The following CFAP92 variants were observed in gnomAD, a reference collection of about 807,000 sequenced individuals.
CFAP92 encodes the protein cilia and flagella associated protein 92 (putative).
A neutral mutation model predicts 106.3 loss-of-function variants in CFAP92; 86 were observed. The observed-to-expected ratio is 0.81, with a 90% CI of 0.68 to 0.97. CFAP92 has a LOEUF of 0.97. Among genes scored for constraint, CFAP92 ranks in the 50% least tolerant of loss-of-function variants. CFAP92 has a pLI of 0.00. For synonymous variants in CFAP92, 477 were observed against 506.4 expected, an observed-to-expected ratio of 0.94 and a Z score of 0.78; for missense variants, 1,204 against 1,283.8, an observed-to-expected ratio of 0.94 and a Z score of 0.95.
At chr3:129,015,703 G>T in the CFAP92 span, among the ~76,000 whole-genome samples, 1 of 152,170 alleles carries the variant, frequency 6.6e-6, no homozygotes, top group African/African-American at 2.4e-5. Context: ...GACCAGAGAG[G>T]AGTCACAGAG....
intron 15 of CFAP92, among the ~76,000 whole-genome samples, chr3:128,911,154 T>A (rs974579882): frequency 2.0e-5 from 3 of 152,212 alleles, no homozygotes; most frequent in Admixed American, 6.5e-5. Flanking sequence ...CCTCTTGGGT[T>A]CAAGCGATTC....
chr3:128,958,286 T>G (rs574016141), intron 9 of CFAP92, among the ~76,000 whole-genome samples: 1 of 152,194 alleles, frequency 6.6e-6, no homozygotes, highest in Non-Finnish European at 1.5e-5. Flanking sequence ...TTAGGGATGG[T>G]GGGTGTTAGG....
At chr3:129,004,024 G>T (rs964202634), upstream of CFAP92, 47 of 1,509,948 alleles carry the variant, frequency 3.1e-5, no homozygotes, top group African/African-American at 6.3e-4. Flanking sequence ...CGCAACAGGT[G>T]CCCGGCTTGC....
rs1262463007 is a variant in CFAP92, at chr3:128,961,685, T to C, written c.1353+3826A>G. On this transcript the variant is annotated intron_variant, in intron 9 of 15. Coordinates refer to ENST00000645291, the MANE Select transcript of CFAP92 (RefSeq NM_001394090.1). ...TCATGGCAGCAACCCTGAGACGCTT[T>C]ACAGCCCTAGACCCTAAAAGGTCAA... Among the ~76,000 whole-genome samples the C allele has an allele frequency of 2.0e-5, 3 of 152,396 alleles. No individual in the cohort carries two copies. In the East Asian group the frequency reaches 5.8e-4, roughly 29 times the overall value.
the CFAP92 span, among the ~76,000 whole-genome samples, chr3:129,022,238 G>A: frequency 1.3e-5 from 2 of 152,236 alleles, no homozygotes; most frequent in African/African-American, 4.8e-5. Context: ...GCCAGGCCCA[G>A]CTAGCACAGA....
At chr3:129,005,728 C>T (rs540473372), upstream of CFAP92, among the ~76,000 whole-genome samples, 1 of 152,314 alleles carries the variant, frequency 6.6e-6, no homozygotes, top group East Asian at 1.9e-4. Flanking sequence ...CTGAGAAGCT[C>T]ACAGCTGGGA....
Position 128,993,261 on chromosome 3 carries a change from A to G in CFAP92, c.44T>C (p.Ile15Thr). 6.2e-7 allele frequency: 1 copy of G among 1,613,888 alleles called. No homozygotes were observed. Among genetic ancestry groups the G allele is most frequent in the South Asian group, 1.1e-5 (1 of 91,076 alleles). Reference protein sequence around the residue: ...AWEWEEDPASIEPISSITSFY... With the variant: ...AWEWEEDPASTEPISSITSFY... ...GCTAGTGATGGAGGAGATGGGCTCT[A>G]TGCTTGCGGGGTCCTCTTCCCACTC... Residue 15 changes from isoleucine (I) to threonine (T), a missense_variant, in exon 2 of 16, where the codon ATA (isoleucine) becomes ACA (threonine). Ile to Thr is a moderately conservative substitution (Grantham distance 89). Coordinates refer to ENST00000645291, the MANE Select transcript of CFAP92 (RefSeq NM_001394090.1).
chr3:128,936,935 C>CT (rs1315071025), intron 10 of CFAP92, among the ~76,000 whole-genome samples: 1 of 152,162 alleles, frequency 6.6e-6, no homozygotes, highest in Non-Finnish European at 1.5e-5. Flanking sequence ...TTCTTTTCTT[C>CT]TTTGTCCTTG....
chr3:128,980,350 G>A (rs958160471), intron 4 of CFAP92, among the ~76,000 whole-genome samples: 2 of 130,006 alleles, frequency 1.5e-5, no homozygotes, highest in Non-Finnish European at 3.1e-5. Context: ...CTGGGGGACA[G>A]AGCAAGACCC....
At chr3:128,996,035 G>A (rs1262086068), upstream of CFAP92, among the ~76,000 whole-genome samples, 1 of 152,182 alleles carries the variant, frequency 6.6e-6, no homozygotes, top group Admixed American at 6.5e-5. Context: ...CTGAGGCCAG[G>A]TCATATAAAT....
At chr3:129,013,420 C>T in the CFAP92 span, among the ~76,000 whole-genome samples, 1 of 152,296 alleles carries the variant, frequency 6.6e-6, no homozygotes, top group Admixed American at 6.5e-5. Context: ...TAGCTTCAGG[C>T]ATGGCTAGAT....
chr3:128,976,780 T>TA (rs1360486363), intron 6 of CFAP92, among the ~76,000 whole-genome samples, 199 bp downstream of exon 6: 3 of 152,122 alleles, frequency 2.0e-5, no homozygotes, highest in Non-Finnish European at 2.9e-5. Context: ...TCAAATGAGA[T>TA]AAAATAATGC....
chr3:129,000,462 G>C (rs1251196050), intron 1 of CFAP92, among the ~76,000 whole-genome samples: 1 of 152,196 alleles, frequency 6.6e-6, no homozygotes, highest in African/African-American at 2.4e-5. Flanking sequence ...CACAAGGCAA[G>C]ATTCTGTCTC....
At chr3:128,910,881 T>C in intron 15 of CFAP92, 1 of 1,561,984 alleles carries the variant, frequency 6.4e-7, no homozygotes, top group South Asian at 1.1e-5. Context: ...GGTGAGCTGT[T>C]TCTGGACCCT....
chr3:128,995,765 C>A (rs1261288357), upstream of CFAP92, among the ~76,000 whole-genome samples: 1 of 152,198 alleles, frequency 6.6e-6, no homozygotes. Context: ...ACCTACATGT[C>A]AAAAATACAA....
intron 12 of CFAP92, among the ~76,000 whole-genome samples, chr3:128,931,678 G>A (rs1938410113): frequency 6.6e-6 from 1 of 151,844 alleles, no homozygotes; most frequent in Non-Finnish European, 1.5e-5. Context: ...AAGCAGAATT[G>A]ATAAATCCAA....
chr3:128,949,628 GT>G (rs1236358936), intron 9 of CFAP92, among the ~76,000 whole-genome samples: 1 of 152,250 alleles, frequency 6.6e-6, no homozygotes, highest in Non-Finnish European at 1.5e-5. Context: ...CAAAGGAGGG[GT>G]TTGGGGTAAC....
the CFAP92 span, among the ~76,000 whole-genome samples, chr3:129,025,029 G>A: frequency 6.6e-6 from 1 of 152,116 alleles, no homozygotes; most frequent in Non-Finnish European, 1.5e-5. Flanking sequence ...GATGGAGGAA[G>A]ACCAGGACAA....
rs2107678504 is a variant in CFAP92 at position 128,916,085 on chromosome 3, T to G, written c.2916+22A>C. On this transcript the variant is annotated intron_variant, in intron 13 of 15. Transcript: ENST00000645291. ...AACTCATGGGATTTGCCAACTGCCA[T>G]CATCCTGTCTGGGTCTCTCACCTTG... 3 of 1,232,210 alleles carry G rather than the reference T, an allele frequency of 2.4e-6. No individual in the cohort carries two copies. The East Asian group carries it at 9.5e-5, about 39-fold the overall frequency. The allele number at this position is 1,232,210 out of a possible 1,614,324, so 76.3% of individuals were successfully genotyped here.
Sources: allele counts gnomAD v4.1 joint callset (sites outside exome capture counted in the v4.1 genomes callset), GRCh38; gene constraint gnomAD v4.1.1; transcripts MANE v1.5; gene names NCBI Gene and HGNC (gene_info 2026-07-23, HGNC 2026-07-21).